ATP8A2: variants seen among roughly 807,000 people sequenced by gnomAD.
The protein encoded by ATP8A2 is phospholipid-transporting ATPase IB.
ATP8A2 carries 100 observed loss-of-function variants against 165.6 expected under a neutral mutation model. That is an observed-to-expected ratio of 0.60 (90% CI 0.51 to 0.71). The LOEUF (loss-of-function observed/expected upper bound fraction) is 0.71, where lower values mean the gene tolerates loss of function less well. ATP8A2 is among the 30% of genes least tolerant of loss of function. The pLI is 0.00. For synonymous variants in ATP8A2, 543 were observed against 548.8 expected (o/e 0.99, Z 0.15); for missense variants, 1,227 against 1,479.5 (o/e 0.83, Z 2.80).
At chr13:25,406,741 C>T (rs887218154) in intron 1 of ATP8A2, among the ~76,000 whole-genome samples, 1 of 152,234 alleles carries the variant, frequency 6.6e-6, no homozygotes, top group Non-Finnish European at 1.5e-5. Context: ...GGAAGGCCAG[C>T]TCTTGAGTAG....
rs564671248 is a variant in ATP8A2, at chr13:25,412,175, G to A, written c.76+39887G>A. Among the ~76,000 whole-genome samples the A allele has an allele frequency of 1.1e-4, 16 of 152,260 alleles. No homozygotes were observed. In the East Asian group the frequency reaches 1.5e-3, roughly 15 times the overall value. ...GAGGGGGACAGGTATAGGCTGGGTC[G>A]AGCTGCTTGGATCATGTAAATGAAC... On this transcript the variant is annotated intron_variant, in intron 1 of 36. Transcript: ENST00000381655.
intron 19 of ATP8A2, among the ~76,000 whole-genome samples, chr13:25,575,287 A>G (rs1388441657): frequency 6.6e-6 from 1 of 152,204 alleles, no homozygotes; most frequent in Non-Finnish European, 1.5e-5. Context: ...AGATCAGTTC[A>G]TCCCATTAGA....
At chr13:26,001,786 T>C (rs544524218) in intron 35 of ATP8A2, among the ~76,000 whole-genome samples, 1 of 152,136 alleles carries the variant, frequency 6.6e-6, no homozygotes, top group African/African-American at 2.4e-5. Context: ...TTATCAGATA[T>C]GATTTGCAAA....
At chr13:25,558,043 G>A in intron 13 of ATP8A2, among the ~76,000 whole-genome samples, 1 of 151,928 alleles carries the variant, frequency 6.6e-6, no homozygotes, top group Non-Finnish European at 1.5e-5. Flanking sequence ...AGCTGGGATT[G>A]CAGGCACCTG....
At chr13:25,884,529 A>C (rs1953082884) in intron 33 of ATP8A2, among the ~76,000 whole-genome samples, 1 of 152,102 alleles carries the variant, frequency 6.6e-6, no homozygotes, top group African/African-American at 2.4e-5. Context: ...TCACTCCAAA[A>C]TCAGAAGTGC....
chr13:25,613,006 T>C (rs2138447647), intron 24 of ATP8A2, among the ~76,000 whole-genome samples: 1 of 152,310 alleles, frequency 6.6e-6, no homozygotes, highest in South Asian at 2.1e-4. Flanking sequence ...CTTAAGTTCA[T>C]GTGAGTCCTT....
chr13:25,654,280 A>G (rs560925326), intron 24 of ATP8A2, among the ~76,000 whole-genome samples: 145 of 152,264 alleles, frequency 9.5e-4, no homozygotes, highest in African/African-American at 3.3e-3. Context: ...ATAAGGGCTC[A>G]GTGCAGCCTA....
intron 33 of ATP8A2, among the ~76,000 whole-genome samples, chr13:25,904,893 C>T (rs566493527): frequency 1.3e-5 from 2 of 152,280 alleles, no homozygotes; most frequent in Admixed American, 1.3e-4. Flanking sequence ...GCCAAATTGC[C>T]AAATATGGTT....
intron 24 of ATP8A2, among the ~76,000 whole-genome samples, chr13:25,629,041 G>C (rs531806095): frequency 1.3e-5 from 2 of 152,282 alleles, no homozygotes; most frequent in East Asian, 1.9e-4. Context: ...TAATAGGTCT[G>C]TTGGCCACTG....
At chr13:25,801,974 C>T (rs1313211733) in intron 27 of ATP8A2, among the ~76,000 whole-genome samples, 1 of 152,078 alleles carries the variant, frequency 6.6e-6, no homozygotes, top group African/African-American at 2.4e-5. Context: ...ACGAGAATAA[C>T]ATGTAGGTAT....
intron 35 of ATP8A2, among the ~76,000 whole-genome samples, chr13:25,974,569 A>C (rs545060929): frequency 6.6e-6 from 1 of 152,164 alleles, no homozygotes; most frequent in Admixed American, 6.5e-5. Flanking sequence ...TGAAGAGGAC[A>C]GTGTACCCAG....
chr13:25,948,158 C>G (rs892636489), intron 33 of ATP8A2, among the ~76,000 whole-genome samples: 1 of 152,158 alleles, frequency 6.6e-6, no homozygotes, highest in African/African-American at 2.4e-5. Context: ...CAGCTCAACC[C>G]TTCCACCTCT....
At chr13:25,579,753 CCCCTA>C in intron 21 of ATP8A2, 50 bp from the exon 22 acceptor site, 3 of 1,599,102 alleles carry the variant, frequency 1.9e-6, no homozygotes, top group Non-Finnish European at 2.6e-6. Flanking sequence ...CACAGGCTGT[CCCCTA>C]GGAGGTCACG....
chr13:25,748,545 A>G (rs931388019), intron 25 of ATP8A2, among the ~76,000 whole-genome samples: 32 of 152,220 alleles, frequency 2.1e-4, no homozygotes, highest in Non-Finnish European at 1.5e-5. Flanking sequence ...GATGCACACC[A>G]TACTGGAGGC....
chr13:25,806,781 T>A (rs939752211), intron 27 of ATP8A2, among the ~76,000 whole-genome samples: 2 of 152,210 alleles, frequency 1.3e-5, no homozygotes, highest in Non-Finnish European at 2.9e-5. Flanking sequence ...CTTCATCATT[T>A]TACATTCTTA....
rs2032422574 is a variant in ATP8A2 at position 25,372,162 on chromosome 13, GC to G, written c.-50del. On this transcript the variant is annotated 5_prime_UTR_variant, in exon 1 of 37. It introduces an in-frame stop codon into an upstream open reading frame of the 5' UTR. Transcript: ENST00000381655. The surrounding 1 kb of genome is among the most constrained non-coding windows in gnomAD (Gnocchi z 4.8). ...CGGCGGCCCCTGCGCCCAGCCCTGCGCGTAGCCTCCGTCTCTCGCCCGGGGC... is the reference window on the plus strand; with the variant it reads ...CGGCGGCCCCTGCGCCCAGCCCTGCGGTAGCCTCCGTCTCTCGCCCGGGGC... The G allele has an allele frequency of 7.5e-7, 1 of 1,332,820 alleles. No homozygotes were observed. The highest frequency in any genetic ancestry group is 1.5e-5 in the African/African-American group (1 of 65,508). The allele number at this position is 1,332,820 out of a possible 1,614,324, so 82.6% of individuals were successfully genotyped here.
Position 25,797,527 on chromosome 13 carries a change from T to C in ATP8A2, c.2679+22568T>C, listed in dbSNP as rs193038446. Among the ~76,000 whole-genome samples, 182 of 152,312 alleles carry C rather than the reference T, an allele frequency of 1.2e-3. 1 individual carries two copies. Among genetic ancestry groups the C allele is most frequent in the African/African-American group, 4.2e-3 (174 of 41,578 alleles). On this transcript the variant is annotated intron_variant, in intron 27 of 36. Coordinates refer to ENST00000381655, the MANE Select transcript of ATP8A2 (RefSeq NM_016529.6). ...TTCTTAAGAGAAACAAATAAAACTT[T>C]ACATTAACTATTTGGACTTGAAGGA...
chr13:25,625,386 A>G (rs546127257), intron 24 of ATP8A2, among the ~76,000 whole-genome samples: 18 of 152,238 alleles, frequency 1.2e-4, no homozygotes, highest in Non-Finnish European at 2.4e-4. Flanking sequence ...CAAAGCTTCC[A>G]CACAACGTGA....
At chr13:25,426,446 C>T (rs1348324445) in intron 1 of ATP8A2, among the ~76,000 whole-genome samples, 1 of 152,128 alleles carries the variant, frequency 6.6e-6, no homozygotes, top group Non-Finnish European at 1.5e-5. Context: ...CCACCAGGCT[C>T]CACCTCCAAC....
Sources: allele counts gnomAD v4.1 joint callset (sites outside exome capture counted in the v4.1 genomes callset), GRCh38; gene constraint gnomAD v4.1.1; non-coding constraint Gnocchi (gnomAD v3.1); transcripts MANE v1.5; gene names NCBI Gene and HGNC (gene_info 2026-07-23, HGNC 2026-07-21).